Variants in TEKT5 observed in about 807,000 individuals in gnomAD.
The protein encoded by TEKT5 is tektin-5.
In TEKT5, 52 loss-of-function variants were observed where a neutral mutation model predicts 48.7. The ratio of observed to expected loss-of-function variants is 1.07; its 90% CI spans 0.86 to 1.35. The LOEUF (loss-of-function observed/expected upper bound fraction) is 1.35. Among genes scored for constraint, TEKT5 ranks in the 40% most tolerant of loss-of-function variants. TEKT5 has a pLI of 0.00. For missense variants in TEKT5, 831 were observed against 641.6 expected (o/e 1.30, Z -3.19); for synonymous variants, 318 against 267.6 (o/e 1.19, Z -1.84).
At chr16:10,691,886 T>C (rs938327825) in intron 1 of TEKT5, among the ~76,000 whole-genome samples, 2 of 148,010 alleles carry the variant, frequency 1.4e-5, no homozygotes, top group African/African-American at 2.5e-5. Context: ...AGGCGGAGCT[T>C]GCAGTGAGCC....
intron 6 of TEKT5, among the ~76,000 whole-genome samples, chr16:10,631,648 A>G (rs181169264): frequency 2.6e-5 from 4 of 152,270 alleles, no homozygotes; most frequent in East Asian, 3.9e-4. Flanking sequence ...CCTAAATCCA[A>G]TGACTGATCT....
intron 6 of TEKT5, among the ~76,000 whole-genome samples, chr16:10,631,636 C>CA (rs1443196954): frequency 1.3e-5 from 2 of 152,122 alleles, no homozygotes; most frequent in Admixed American, 1.3e-4. Context: ...TTTAGGGTGA[C>CA]ACCTAAATCC....
At chr16:10,657,724 G>A (rs1046811165) in intron 5 of TEKT5, among the ~76,000 whole-genome samples, 1 of 151,368 alleles carries the variant, frequency 6.6e-6, no homozygotes, top group South Asian at 2.1e-4. Context: ...TGAGTAGCTG[G>A]GACTACAGGC....
At chr16:10,658,842 T>C (rs920666354) in intron 5 of TEKT5, among the ~76,000 whole-genome samples, 8 of 152,050 alleles carry the variant, frequency 5.3e-5, no homozygotes, top group East Asian at 3.9e-4. Context: ...CTCAGTCCCC[T>C]GAGTACCTGG....
At chr16:10,652,257 C>A (rs1339352942) in intron 5 of TEKT5, among the ~76,000 whole-genome samples, 2 of 152,068 alleles carry the variant, frequency 1.3e-5, no homozygotes, top group Non-Finnish European at 2.9e-5. Context: ...CCCTTCTGGT[C>A]ACAGAGCAAA....
At chr16:10,636,365 G>C (rs1035261675) in intron 5 of TEKT5, among the ~76,000 whole-genome samples, 4 of 137,688 alleles carry the variant, frequency 2.9e-5, no homozygotes, top group Admixed American at 2.4e-4. Context: ...ACAAGAGCGA[G>C]ACTTTGTCTC....
At chr16:10,643,100 G>A (rs998084343) in intron 5 of TEKT5, among the ~76,000 whole-genome samples, 1 of 152,194 alleles carries the variant, frequency 6.6e-6, no homozygotes. Context: ...TAAAACAAAG[G>A]CTGGGCATGG....
At chr16:10,631,403 G>A (rs1567223259) in intron 6 of TEKT5, among the ~76,000 whole-genome samples, 2 of 151,538 alleles carry the variant, frequency 1.3e-5, no homozygotes, top group African/African-American at 4.9e-5. Context: ...CTCGAGTTTC[G>A]GGATAACCTC....
At chr16:10,643,387 A>C (rs1201121479) in intron 5 of TEKT5, among the ~76,000 whole-genome samples, 1 of 152,072 alleles carries the variant, frequency 6.6e-6, no homozygotes, top group Non-Finnish European at 1.5e-5. Context: ...TCTTAAAAAA[A>C]AAAAAAGTAA....
intron 4 of TEKT5, among the ~76,000 whole-genome samples, chr16:10,677,838 A>G (rs763134724): frequency 2.0e-5 from 3 of 147,626 alleles, no homozygotes; most frequent in Non-Finnish European, 4.5e-5. Flanking sequence ...TGGAAACCAA[A>G]GGACAGAGAG....
Position 10,693,102 on chromosome 16 carries a change from G to GTTTA in TEKT5, c.564+1207_564+1208insTAAA, listed in dbSNP as rs1286242077. On this transcript the variant is annotated intron_variant, in intron 1 of 6. Transcript: ENST00000283025. The stretch of plus-strand genomic sequence containing the variant: ...GTTTTTGTTTGTTGTTTGTTTGTTT[G>GTTTA]TTTTGTTTTTTGAGATGGAGTCTTG... 1.1e-4 allele frequency: 16 copies of GTTTA among 152,344 alleles called. No individual in the cohort carries two copies. In the East Asian group the frequency reaches 2.9e-3, roughly 28 times the overall value. The allele number at this position is 152,344 out of a possible 1,614,324, so 9.4% of individuals were successfully genotyped here. A position where few individuals can be genotyped will look rare whatever the true frequency, so the allele number is the denominator to read the frequency against.
chr16:10,669,039 ATTT>A (rs1261648627), intron 5 of TEKT5, among the ~76,000 whole-genome samples: 1 of 152,144 alleles, frequency 6.6e-6, no homozygotes, highest in African/African-American at 2.4e-5. Context: ...GAAATCTGAA[ATTT>A]TTTTATGTGA....
chr16:10,660,002 C>CAATACGTAT (rs1485525899), intron 5 of TEKT5, among the ~76,000 whole-genome samples: 1 of 152,188 alleles, frequency 6.6e-6, no homozygotes, highest in Non-Finnish European at 1.5e-5. Context: ...CCACCACTCT[C>CAATACGTAT]AATACGTATT....
rs551271667 is a variant in TEKT5, at chr16:10,694,228, T to C, written c.564+82A>G. On this transcript the variant is annotated intron_variant, in intron 1 of 6. Transcript: ENST00000283025. Reference sequence around the variant, plus strand: ...CCGACCTGCAAGGTGCCTGCCACCTTCATCTTCAGTCAAGGGAAGCAGAAT... The same window carrying C: ...CCGACCTGCAAGGTGCCTGCCACCTCCATCTTCAGTCAAGGGAAGCAGAAT... 22 of 1,427,236 alleles carry C rather than the reference T, an allele frequency of 1.5e-5. No individual in the cohort carries two copies. The Admixed American group carries it at 3.5e-4, about 23-fold the overall frequency. 88.4% of individuals were successfully genotyped at this position (1,427,236 alleles called of 1,614,324 possible). A position where few individuals can be genotyped will look rare whatever the true frequency, so the allele number is the denominator to read the frequency against.
At chr16:10,667,962 C>A (rs1304787347) in intron 5 of TEKT5, among the ~76,000 whole-genome samples, 2 of 151,918 alleles carry the variant, frequency 1.3e-5, no homozygotes, top group East Asian at 1.9e-4. Context: ...ACTGCAACCT[C>A]CACCTCCCAG....
chr16:10,661,188 C>G (rs779404600), intron 5 of TEKT5, among the ~76,000 whole-genome samples: 5 of 152,050 alleles, frequency 3.3e-5, no homozygotes, highest in Admixed American at 3.3e-4. Flanking sequence ...GGCGGAGGGG[C>G]GGGGATTTGG....
intron 5 of TEKT5, among the ~76,000 whole-genome samples, chr16:10,647,526 C>T (rs542550737): frequency 6.6e-6 from 1 of 151,876 alleles, no homozygotes; most frequent in African/African-American, 2.4e-5. Context: ...CCTGGCCCCA[C>T]CCTGAGCCCA....
chr16:10,662,083 G>A (rs1898382089), intron 5 of TEKT5, among the ~76,000 whole-genome samples: 1 of 152,018 alleles, frequency 6.6e-6, no homozygotes, highest in Non-Finnish European at 1.5e-5. Flanking sequence ...CTTAGCCTTG[G>A]CACTATTGAC....
At chr16:10,631,366 G>GGGT (rs1567223252) in intron 6 of TEKT5, among the ~76,000 whole-genome samples, 1 of 138,016 alleles carries the variant, frequency 7.2e-6, no homozygotes, top group African/African-American at 2.7e-5. Flanking sequence ...GGCGGGGGAG[G>GGGT]GTTGAAACAG....
Sources: allele counts gnomAD v4.1 joint callset (sites outside exome capture counted in the v4.1 genomes callset), GRCh38; gene constraint gnomAD v4.1.1; transcripts MANE v1.5; gene names NCBI Gene and HGNC (gene_info 2026-07-23, HGNC 2026-07-21).